The following MYH15 variants were observed in gnomAD, a reference collection of about 807,000 sequenced individuals.
The protein encoded by MYH15 is myosin-15.
A neutral mutation model predicts 240.5 loss-of-function variants in MYH15; 227 were observed. The ratio of observed to expected loss-of-function variants is 0.94; its 90% confidence interval spans 0.85 to 1.05. The LOEUF (loss-of-function observed/expected upper bound fraction) is 1.05. Ranked by LOEUF, MYH15 falls within the 50% of genes least tolerant of loss-of-function variation. The pLI, the probability that MYH15 is intolerant of heterozygous loss-of-function variation, is 0.00. For synonymous variants in MYH15, 785 were observed against 796.7 expected (o/e 0.99, Z 0.25); for missense variants, 2,217 against 2,247.5 (o/e 0.99, Z 0.27).
At chr3:108,544,254 A>C in the MYH15 span, among the ~76,000 whole-genome samples, 200 of 152,208 alleles carry the variant, frequency 1.3e-3, 1 homozygote, top group Middle Eastern at 0.014. Context: ...CTGGCCCCCC[A>C]CTTTCCTAAA....
chr3:108,421,221 G>A lies in MYH15; in HGVS notation c.3703-7C>T. 6.2e-7 allele frequency: 1 copy of A among 1,610,494 alleles called. No individual in the cohort carries two copies. Among genetic ancestry groups the A allele is most frequent in the Non-Finnish European group, 8.5e-7 (1 of 1,179,514 alleles). ...AGAGTTTCTCAGCATTTGCCTATAA[G>A]TTGAGAAAGAAGGGCTGGTCAGGGC... On this transcript the variant is annotated splice_polypyrimidine_tract_variant and splice_region_variant and intron_variant, in intron 27 of 40. Transcript: ENST00000693548.
At chr3:108,462,325 C>T (rs2107581909) in intron 16 of MYH15, among the ~76,000 whole-genome samples, 2 of 152,218 alleles carry the variant, frequency 1.3e-5, no homozygotes, top group African/African-American at 2.4e-5. Context: ...TTGTTCATTC[C>T]TGGGAGACAG....
Position 108,490,214 on chromosome 3 carries a change from A to G in MYH15, c.871+2286T>C, listed in dbSNP as rs368426679. ...GGAGAATACGTGCTGCTTACATGACACCAATTACATCTATGGCAAAAATAA... is the reference window on the plus strand; with the variant it reads ...GGAGAATACGTGCTGCTTACATGACGCCAATTACATCTATGGCAAAAATAA... On this transcript the variant is annotated intron_variant, in intron 9 of 40. Transcript: ENST00000693548. Among the ~76,000 whole-genome samples, 3 of 152,326 alleles carry G rather than the reference A, an allele frequency of 2.0e-5. No homozygotes were observed. The East Asian group carries it at 5.8e-4, about 29-fold the overall frequency.
At position 108,381,189 on chromosome 3, in the gene MYH15, G is replaced by A. The variant is rs531080253; in HGVS notation, c.*356C>T. 605 of 264,878 alleles carry A rather than the reference G, an allele frequency of 2.3e-3. 3 individuals are homozygous for A. The highest frequency in any genetic ancestry group is 3.8e-3 in the Non-Finnish European group (530 of 138,826). The allele number at this position is 264,878 out of a possible 1,614,324, so 16.4% of individuals were successfully genotyped here. ...CAACATGCCCTAGTCCCCATGAAGC[G>A]TGACTGGTCTAAGGACATCTTCTAT... On this transcript the variant is annotated 3_prime_UTR_variant, in exon 41 of 41. Coordinates refer to ENST00000693548, the MANE Select transcript of MYH15 (RefSeq NM_014981.3).
In MYH15 at chr3:108,399,062, A is replaced by G. The variant is rs778439579; in HGVS notation, c.4929+13T>C. The stretch of plus-strand genomic sequence containing the variant: ...TCCACCCCTCCCTACCCCATCTTAC[A>G]GTTTTAAAATACCTTGATTTGAATC... On this transcript the variant is annotated intron_variant, in intron 34 of 40. Coordinates refer to ENST00000693548, the MANE Select transcript of MYH15 (RefSeq NM_014981.3). 22 of 1,608,598 alleles carry G rather than the reference A, an allele frequency of 1.4e-5. No individual in the cohort carries two copies. Among genetic ancestry groups the G allele is most frequent in the Non-Finnish European group, 1.8e-5 (21 of 1,176,322 alleles).
chr3:108,426,699 G>A (rs1013052599), intron 27 of MYH15, among the ~76,000 whole-genome samples: 2 of 152,174 alleles, frequency 1.3e-5, no homozygotes, highest in African/African-American at 2.4e-5. Flanking sequence ...TGGCAGTGGT[G>A]GTACTGTGAG....
Position 108,456,811 on chromosome 3 carries a change from C to T in MYH15, c.2093G>A (p.Arg698His), listed in dbSNP as rs779545620. ...NGVLEGTRIC[R>H]EGFPNRLQYA... ...CTGCAGTCGGTTTGGAAAACCTTCA[C>T]GGCATATCCTAGTCCCTTCCAAGAC... The change falls in exon 19 of 41, where the codon CGT becomes CAT. Residue 698 changes from arginine to histidine, a missense_variant. By Grantham distance (29) the Arg-to-His change is conservative (BLOSUM62 0). Transcript: ENST00000693548. The T allele has an allele frequency of 5.0e-6, 8 of 1,613,664 alleles. No homozygotes were observed. The highest frequency in any genetic ancestry group is 1.3e-5 in the African/African-American group (1 of 74,970).
chr3:108,441,122 C>A lies in MYH15; in HGVS notation c.2794G>T (p.Gly932Trp). 1.2e-6 allele frequency: 2 copies of A among 1,614,138 alleles called. No individual in the cohort carries two copies. Among genetic ancestry groups the A allele is most frequent in the Non-Finnish European group, 8.5e-7 (1 of 1,179,996 alleles). The part of the protein sequence containing the change: ...EEINSELTAR[G>W]RKLEDECFEL... Reference sequence around the variant, plus strand: ...AAACATTCATCTTCGAGTTTCCGCCCCCTGGCAGTCAGCTCAGAATTTATC... The same window carrying A: ...AAACATTCATCTTCGAGTTTCCGCCACCTGGCAGTCAGCTCAGAATTTATC... The change falls in exon 23 of 41, where the codon GGG becomes TGG. Residue 932 changes from glycine (G) to tryptophan (W), a missense_variant. Transcript: ENST00000693548.
chr3:108,444,784 T>C lies in MYH15; in HGVS notation c.2511A>G (p.Val837=), dbSNP rs1365256754. 2 of 1,614,096 alleles carry C rather than the reference T, an allele frequency of 1.2e-6. No homozygotes were observed. The highest frequency in any genetic ancestry group is 1.7e-5 in the Admixed American group (1 of 60,006). The part of the protein sequence containing the change: ...KIKPLVKSSE[V]GEEVAGLKEE... ...CCTTCAGTCCAGCTACTTCTTCTCC[T>C]ACTTCTGAAGATTTAACAAGAGGCT... The change falls in exon 22 of 41, where the codon GTA becomes GTG. Residue 837 remains valine (V), a synonymous_variant. Coordinates refer to ENST00000693548, the MANE Select transcript of MYH15 (RefSeq NM_014981.3).
chr3:108,546,727 T>G, the MYH15 span, among the ~76,000 whole-genome samples: 22 of 152,208 alleles, frequency 1.4e-4, no homozygotes, highest in African/African-American at 5.3e-4. Context: ...TAGCTCAATG[T>G]GCAAAAAAAG....
the MYH15 span, among the ~76,000 whole-genome samples, chr3:108,536,525 C>A: frequency 1.1e-4 from 17 of 152,080 alleles, no homozygotes; most frequent in Non-Finnish European, 2.2e-4. Flanking sequence ...TAAGAAAGAA[C>A]TCATACAGGT....
At chr3:108,474,371 T>C (rs1274033810) in intron 12 of MYH15, among the ~76,000 whole-genome samples, 1 of 151,888 alleles carries the variant, frequency 6.6e-6, no homozygotes, top group Admixed American at 6.6e-5. Flanking sequence ...CTGGAGTCCT[T>C]ACTATAATAT....
chr3:108,405,911 A>G (rs978284270), intron 32 of MYH15, among the ~76,000 whole-genome samples: 3 of 152,232 alleles, frequency 2.0e-5, no homozygotes, highest in African/African-American at 7.2e-5. Flanking sequence ...TTCAGAGAAC[A>G]AACAACAGGG....
chr3:108,485,088 T>C lies in MYH15; in HGVS notation c.1114+3A>G. Reference sequence around the variant, plus strand: ...TATACCATATCTTCAAAGTAATTCTTACTTTCTGTGCCATCTGCTTCCAGT... The same window carrying C: ...TATACCATATCTTCAAAGTAATTCTCACTTTCTGTGCCATCTGCTTCCAGT... On this transcript the variant is annotated splice_donor_region_variant and intron_variant, in intron 11 of 40. Transcript: ENST00000693548. 1 of 1,613,902 alleles carries C rather than the reference T, an allele frequency of 6.2e-7. No homozygotes were observed. The highest frequency in any genetic ancestry group is 8.5e-7 in the Non-Finnish European group (1 of 1,179,900).
chr3:108,459,284 A>C, intron 18 of MYH15, 78 bp downstream of exon 18: 1 of 915,440 alleles, frequency 1.1e-6, no homozygotes, highest in South Asian at 1.7e-5. Context: ...ACCAATAAAT[A>C]TTTCTTTAAA....
At chr3:108,518,726 C>T (rs544161207) in intron 1 of MYH15, among the ~76,000 whole-genome samples, 11 of 152,298 alleles carry the variant, frequency 7.2e-5, no homozygotes, top group African/African-American at 2.6e-4. Flanking sequence ...AACATTCAGC[C>T]CTGTCCCTCA....
At position 108,391,832 on chromosome 3, in the gene MYH15, C is replaced by G. The variant is rs1489205410; in HGVS notation, c.5358G>C (p.Gln1786His). 1 of 1,614,144 alleles carries G rather than the reference C, an allele frequency of 6.2e-7. No individual in the cohort carries two copies. Among genetic ancestry groups the G allele is most frequent in the South Asian group, 1.1e-5 (1 of 91,090 alleles). The change falls in exon 37 of 41, where the codon CAG becomes CAC. Residue 1786 changes from glutamine (Q) to histidine (H), a missense_variant. Transcript: ENST00000693548. ...ENMEQTITDL[Q>H]KRLAEAEQMA... ...TCTGTTCAGCTTCAGCCAGCCTTTTCTGTAAGTCTGTAATTGTCTGCTCCA... is the reference window on the plus strand; with the variant it reads ...TCTGTTCAGCTTCAGCCAGCCTTTTGTGTAAGTCTGTAATTGTCTGCTCCA...
chr3:108,455,892 G>C (rs1366361576), intron 19 of MYH15, 33 bp from the exon 20 acceptor site: 6 of 1,586,162 alleles, frequency 3.8e-6, no homozygotes, highest in Non-Finnish European at 5.2e-6. Context: ...TCATGAGTTT[G>C]GGAAATCATA....
intron 25 of MYH15, among the ~76,000 whole-genome samples, chr3:108,436,383 A>G (rs1245579188): frequency 6.6e-6 from 1 of 152,196 alleles, no homozygotes; most frequent in Non-Finnish European, 1.5e-5. Flanking sequence ...ACACCTATTA[A>G]GCCCAGTAAC....
Sources: allele counts gnomAD v4.1 joint callset (sites outside exome capture counted in the v4.1 genomes callset), GRCh38; gene constraint gnomAD v4.1.1; transcripts MANE v1.5; gene names NCBI Gene and HGNC (gene_info 2026-07-23, HGNC 2026-07-21).